Variants in CCBE1 observed in about 807,000 individuals in gnomAD.
CCBE1 encodes the protein collagen and calcium binding EGF domains 1.
CCBE1 carries 37 observed loss-of-function variants against 50.0 expected under a neutral mutation model. That is an observed-to-expected ratio of 0.74 (90% confidence interval 0.57 to 0.97). The LOEUF is 0.97. CCBE1 is among the 50% of genes least tolerant of loss of function. The pLI is 0.00. For synonymous variants in CCBE1, 234 were observed against 203.7 expected, an observed-to-expected ratio of 1.15 and a Z score of -1.27; for missense variants, 538 against 523.8, an observed-to-expected ratio of 1.03 and a Z score of -0.26.
At chr18:59,676,420 T>C (rs2054503520) in intron 2 of CCBE1, among the ~76,000 whole-genome samples, 1 of 152,224 alleles carries the variant, frequency 6.6e-6, no homozygotes, top group African/African-American at 2.4e-5. Context: ...ATTTCATATG[T>C]CTCCTGCCCT....
chr18:59,569,927 G>A (rs1340117410), intron 2 of CCBE1, among the ~76,000 whole-genome samples: 1 of 152,140 alleles, frequency 6.6e-6, no homozygotes, highest in African/African-American at 2.4e-5. Flanking sequence ...CACTGCACCC[G>A]GCCTCAGCTC....
chr18:59,615,501 G>GAA (rs11451658), intron 2 of CCBE1, among the ~76,000 whole-genome samples: 51,308 of 147,582 alleles, frequency 0.35, 9,259 homozygotes, highest in East Asian at 0.61. Context: ...AACTGTCGGA[G>GAA]AAAAAAAAAA....
At chr18:59,649,627 C>T (rs577350608) in intron 2 of CCBE1, among the ~76,000 whole-genome samples, 1 of 152,368 alleles carries the variant, frequency 6.6e-6, no homozygotes, top group Admixed American at 6.5e-5. Flanking sequence ...TGTGGATTCC[C>T]ATTCCTCATT....
chr18:59,528,253 CTCT>C (rs1314852822), intron 2 of CCBE1, among the ~76,000 whole-genome samples: 2 of 152,130 alleles, frequency 1.3e-5, no homozygotes, highest in Non-Finnish European at 2.9e-5. Flanking sequence ...AAATTCTTTC[CTCT>C]GTTTGGTCTA....
intron 2 of CCBE1, among the ~76,000 whole-genome samples, chr18:59,516,101 T>C (rs1015602675): frequency 2.0e-5 from 3 of 152,130 alleles, no homozygotes; most frequent in Non-Finnish European, 2.9e-5. Context: ...TGGGATTGCA[T>C]GCATGTCCCA....
At chr18:59,467,049 G>A (rs1911784951) in intron 4 of CCBE1, among the ~76,000 whole-genome samples, 158 bp from the exon 5 acceptor site, 1 of 152,238 alleles carries the variant, frequency 6.6e-6, no homozygotes, top group African/African-American at 2.4e-5. Flanking sequence ...CTAGAAATGT[G>A]GGTCATCCAT....
At chr18:59,531,558 G>A (rs1301648889) in intron 2 of CCBE1, among the ~76,000 whole-genome samples, 2 of 151,998 alleles carry the variant, frequency 1.3e-5, no homozygotes, top group Non-Finnish European at 2.9e-5. Flanking sequence ...GACCAGCCTG[G>A]GCAACACAGC....
At chr18:59,548,242 A>G (rs754563263) in intron 2 of CCBE1, among the ~76,000 whole-genome samples, 3 of 152,204 alleles carry the variant, frequency 2.0e-5, no homozygotes, top group Non-Finnish European at 2.9e-5. Context: ...TCTTTCCTTT[A>G]AAAGAAAGAT....
chr18:59,469,641 CAGG>C, intron 3 of CCBE1, 34 bp from the exon 4 acceptor site: 2 of 1,613,214 alleles, frequency 1.2e-6, no homozygotes, highest in Non-Finnish European at 1.7e-6. Context: ...ACATCAACTA[CAGG>C]AGGAGGCGGA....
intron 2 of CCBE1, among the ~76,000 whole-genome samples, chr18:59,688,999 G>A (rs2054694004): frequency 6.6e-6 from 1 of 152,202 alleles, no homozygotes. Context: ...TAAGGGGCTA[G>A]GCAGTAAATA....
chr18:59,643,803 C>A (rs2054020660), intron 2 of CCBE1, among the ~76,000 whole-genome samples: 1 of 127,282 alleles, frequency 7.9e-6, no homozygotes, highest in Non-Finnish European at 1.6e-5. Context: ...GCCTGGGCAA[C>A]AATGCGAGAC....
At chr18:59,447,921 G>A (rs1910754410) in intron 7 of CCBE1, 62 bp downstream of exon 7, 3 of 1,611,262 alleles carry the variant, frequency 1.9e-6, no homozygotes, top group African/African-American at 1.3e-5. Flanking sequence ...CCCAGCAAAT[G>A]TGAGCTTTTG....
intron 2 of CCBE1, among the ~76,000 whole-genome samples, chr18:59,511,611 A>G (rs1167865872): frequency 2.6e-5 from 4 of 152,240 alleles, no homozygotes; most frequent in African/African-American, 9.6e-5. Flanking sequence ...TCCACGAGGA[A>G]CATTCAAATT....
At chr18:59,581,290 A>C (rs1342051133) in intron 2 of CCBE1, among the ~76,000 whole-genome samples, 3 of 151,910 alleles carry the variant, frequency 2.0e-5, no homozygotes, top group Non-Finnish European at 4.4e-5. Flanking sequence ...AAAATACAAA[A>C]ATTAGCTGGG....
At chr18:59,473,195 G>A (rs1912120118) in intron 3 of CCBE1, among the ~76,000 whole-genome samples, 1 of 152,178 alleles carries the variant, frequency 6.6e-6, no homozygotes, top group South Asian at 2.1e-4. Context: ...GATCATGCAT[G>A]TCTAAAATAT....
rs149196443 is a variant in CCBE1, at chr18:59,526,905, G to A, written c.213-46667C>T. On this transcript the variant is annotated intron_variant, in intron 2 of 10. Coordinates refer to ENST00000439986, the MANE Select transcript of CCBE1 (RefSeq NM_133459.4). ...TTATGATTTCAGTTCTTTTGCATTT[G>A]CCAAGGAGTGTTTTACTTCTGATTA... Among the ~76,000 whole-genome samples, 62 of 152,240 alleles carry A rather than the reference G, an allele frequency of 4.1e-4. No homozygotes were observed. In the East Asian group the frequency reaches 0.01, roughly 26 times the overall value.
chr18:59,624,705 A>G (rs1464288342), intron 2 of CCBE1, among the ~76,000 whole-genome samples: 1 of 152,196 alleles, frequency 6.6e-6, no homozygotes, highest in Non-Finnish European at 1.5e-5. Context: ...ACAAAAACAA[A>G]AGAGAGCCTT....
chr18:59,536,344 C>G (rs1396759787), intron 2 of CCBE1, among the ~76,000 whole-genome samples: 2 of 152,196 alleles, frequency 1.3e-5, no homozygotes, highest in African/African-American at 4.8e-5. Context: ...TCCCTGGGCT[C>G]TCTCTCCTCC....
At chr18:59,493,446 C>T (rs1282957413) in intron 2 of CCBE1, among the ~76,000 whole-genome samples, 2 of 152,080 alleles carry the variant, frequency 1.3e-5, no homozygotes, top group African/African-American at 4.8e-5. Flanking sequence ...ATTTCTATTC[C>T]GATCAGTTAA....
Sources: allele counts gnomAD v4.1 joint callset (sites outside exome capture counted in the v4.1 genomes callset), GRCh38; gene constraint gnomAD v4.1.1; transcripts MANE v1.5; gene names NCBI Gene and HGNC (gene_info 2026-07-23, HGNC 2026-07-21).